Variants in CASZ1 observed in about 807,000 individuals in gnomAD.
CASZ1 encodes the protein zinc finger protein castor homolog 1.
In CASZ1, 28 loss-of-function variants were observed where a neutral mutation model predicts 135.2. The ratio of observed to expected loss-of-function variants is 0.21; its 90% CI spans 0.15 to 0.28. The LOEUF (loss-of-function observed/expected upper bound fraction) is 0.28, where lower values mean the gene tolerates loss of function less well. Ranked by LOEUF, CASZ1 falls within the 10% of genes least tolerant of loss-of-function variation. CASZ1 has a pLI of 1.00. For missense variants in CASZ1, 2,161 were observed against 2,453.3 expected, an observed-to-expected ratio of 0.88 and a Z score of 2.52; for synonymous variants, 1,068 against 1,073.4, an observed-to-expected ratio of 0.99 and a Z score of 0.10.
rs917233283 is a variant in CASZ1 at position 10,700,931 on chromosome 1, T to C, written c.-24+4561A>G. Among the ~76,000 whole-genome samples the C allele has an allele frequency of 1.3e-5, 2 of 152,178 alleles. No homozygotes were observed. The highest frequency in any genetic ancestry group is 2.4e-5 in the African/African-American group (1 of 41,440). Reference sequence around the variant, plus strand: ...GAATGATATCTCAATAAAGCGGTTATTAAAAAGTGGGGGAAAGACGGGGGA... The same window carrying C: ...GAATGATATCTCAATAAAGCGGTTACTAAAAAGTGGGGGAAAGACGGGGGA... On this transcript the variant is annotated intron_variant, in intron 3 of 20. Coordinates refer to ENST00000377022, the MANE Select transcript of CASZ1 (RefSeq NM_001079843.3). This position sits in a 1 kb window ranked among gnomAD's most constrained non-coding sequence, Gnocchi z 4.2.
At chr1:10,730,179 C>T (rs559146235) in intron 2 of CASZ1, among the ~76,000 whole-genome samples, 7 of 150,952 alleles carry the variant, frequency 4.6e-5, no homozygotes, top group Admixed American at 3.3e-4. Flanking sequence ...GGTGTGATCT[C>T]GGGTCGCTGC....
chr1:10,728,789 A>G (rs537347088), intron 2 of CASZ1, among the ~76,000 whole-genome samples: 1 of 151,576 alleles, frequency 6.6e-6, no homozygotes, highest in African/African-American at 2.4e-5. Context: ...GGGCTGCACA[A>G]AGGGGAATGG....
chr1:10,761,996 G>A (rs1046238026), intron 1 of CASZ1, among the ~76,000 whole-genome samples: 8 of 152,192 alleles, frequency 5.3e-5, no homozygotes, highest in African/African-American at 1.9e-4. Flanking sequence ...AGCGGGCTGG[G>A]CCCTGCCTCC....
rs774045541 is a variant in CASZ1, at chr1:10,776,444, G to A, written c.-233-15587C>T. On this transcript the variant is annotated intron_variant, in intron 1 of 20. Transcript: ENST00000377022. This position sits in a 1 kb window ranked among gnomAD's most constrained non-coding sequence, Gnocchi z 4.1. Reference sequence around the variant, plus strand: ...TCTCCACAGCTGCCTCTTGTCACAGGGTACCACTTCTCTCCCCTGCTTGTA... The same window carrying A: ...TCTCCACAGCTGCCTCTTGTCACAGAGTACCACTTCTCTCCCCTGCTTGTA... 1.3e-5 allele frequency among the ~76,000 whole-genome samples: 2 copies of A among 152,182 alleles called. No individual in the cohort carries two copies. Among genetic ancestry groups the A allele is most frequent in the Admixed American group, 1.3e-4 (2 of 15,278 alleles).
chr1:10,690,837 G>T (rs1293810524), intron 4 of CASZ1, among the ~76,000 whole-genome samples: 1 of 152,228 alleles, frequency 6.6e-6, no homozygotes, highest in Admixed American at 6.5e-5. Context: ...CGAGTCAAGG[G>T]CGAACGCCTG....
chr1:10,638,965 G>A lies in CASZ1; in HGVS notation c.5257C>T (p.Pro1753Ser), dbSNP rs1642089647. 3.1e-6 allele frequency: 3 copies of A among 980,802 alleles called. No individual in the cohort carries two copies. The highest frequency in any genetic ancestry group is 1.8e-5 in the African/African-American group (1 of 56,514). 60.8% of individuals were successfully genotyped at this position (980,802 alleles called of 1,614,324 possible). A position where few individuals can be genotyped will look rare whatever the true frequency, so the allele number is the denominator to read the frequency against. ...CGCTAGGGCGAGGAGGCTGCAGTGG[G>A]CGCGGGGCCGGGGGCGCCCAGGGCC... is the stretch of plus-strand genomic sequence containing the variant. The part of the protein sequence containing the change: ...LAALGAPGPA[P>S]TAASSP Residue 1753 changes from proline (P) to serine (S), a missense_variant, in exon 21 of 21, where the codon CCC becomes TCC. Around this residue, in one of 7 missense-constraint regions of CASZ1, gnomAD observed 185 missense variants for 134.7 expected, o/e 1.37. Transcript: ENST00000377022. This position sits in a 1 kb window ranked among gnomAD's most constrained non-coding sequence, Gnocchi z 5.9.
rs1402364512 is a variant in CASZ1 at position 10,741,203 on chromosome 1, C to T, written c.-77+19498G>A. Among the ~76,000 whole-genome samples, 6 of 152,104 alleles carry T rather than the reference C, an allele frequency of 3.9e-5. No homozygotes were observed. Among genetic ancestry groups the T allele is most frequent in the Admixed American group, 2.0e-4 (3 of 15,260 alleles). On this transcript the variant is annotated intron_variant, in intron 2 of 20. Transcript: ENST00000377022. This position sits in a 1 kb window ranked among gnomAD's most constrained non-coding sequence, Gnocchi z 5.0. The stretch of plus-strand genomic sequence containing the variant: ...TCACCATGTTGGTCAGGCTGGTCTC[C>T]AACTCCTGACCTCAGGCGATCCACC...
intron 4 of CASZ1, among the ~76,000 whole-genome samples, chr1:10,691,558 A>G (rs1638767702): frequency 6.6e-6 from 1 of 152,224 alleles, no homozygotes; most frequent in South Asian, 2.1e-4. Context: ...TATGTCAGAG[A>G]GGCCCTCGGC....
At chr1:10,659,048 G>A (rs1484060218) in intron 6 of CASZ1, among the ~76,000 whole-genome samples, 1 of 152,168 alleles carries the variant, frequency 6.6e-6, no homozygotes, top group Non-Finnish European at 1.5e-5. Flanking sequence ...AGGAGCTCTG[G>A]GGAAGGGTCT....
In CASZ1 at chr1:10,640,030, C is replaced by A; in HGVS notation, c.4192G>T (p.Gly1398Trp). 6.2e-7 allele frequency: 1 copy of A among 1,609,788 alleles called. No individual in the cohort carries two copies. Among genetic ancestry groups the A allele is most frequent in the Non-Finnish European group, 8.5e-7 (1 of 1,179,706 alleles). Residue 1398 changes from glycine to tryptophan, a missense_variant, in exon 21 of 21, where the codon GGG becomes TGG. Around this residue, in one of 7 missense-constraint regions of CASZ1, gnomAD observed 143 missense variants for 128.3 expected, o/e 1.11. Coordinates refer to ENST00000377022, the MANE Select transcript of CASZ1 (RefSeq NM_001079843.3). ...ATGATCCAGAAGCGCTTTTTGGCCC[C>A]CGAGGCTGTCGGCATAGAGATGGTG... is the stretch of plus-strand genomic sequence containing the variant. ...GNTISMPTAS[G>W]AKKRFWIIED...
At chr1:10,748,401 C>G (rs914858954) in intron 2 of CASZ1, among the ~76,000 whole-genome samples, 1 of 152,250 alleles carries the variant, frequency 6.6e-6, no homozygotes, top group Non-Finnish European at 1.5e-5. Context: ...GTGACAGAGG[C>G]AGCAGTGACC....
At chr1:10,730,034 C>T (rs1284497517) in intron 2 of CASZ1, among the ~76,000 whole-genome samples, 3 of 152,114 alleles carry the variant, frequency 2.0e-5, no homozygotes, top group African/African-American at 7.2e-5. Flanking sequence ...AGGCTGGTCT[C>T]GAACTCCTGG....
In CASZ1 at chr1:10,794,362, C is replaced by T. The variant is rs115175285; in HGVS notation, c.-234+2202G>A. On this transcript the variant is annotated intron_variant, in intron 1 of 20. Coordinates refer to ENST00000377022, the MANE Select transcript of CASZ1 (RefSeq NM_001079843.3). This position sits in a 1 kb window ranked among gnomAD's most constrained non-coding sequence, Gnocchi z 5.6. ...ACTACCAGGGCCTTTTCCCCCTCGC[C>T]ACCCCCTGAGTGTACCGGGTGTCGG... 1.6e-3 allele frequency among the ~76,000 whole-genome samples: 244 copies of T among 152,282 alleles called. No individual in the cohort carries two copies. Among genetic ancestry groups the T allele is most frequent in the African/African-American group, 5.4e-3 (225 of 41,562 alleles).
At chr1:10,662,206 A>G (rs2100273767) in intron 5 of CASZ1, among the ~76,000 whole-genome samples, 1 of 151,788 alleles carries the variant, frequency 6.6e-6, no homozygotes, top group East Asian at 1.9e-4. Flanking sequence ...ATCCCCACGC[A>G]CAGTCACATG....
intron 9 of CASZ1, among the ~76,000 whole-genome samples, chr1:10,655,323 T>G (rs1393725414): frequency 2.6e-5 from 4 of 152,182 alleles, no homozygotes; most frequent in African/African-American, 7.2e-5. Context: ...AACAAAAACC[T>G]CCTCAGGAAT....
Position 10,647,443 on chromosome 1 carries a change from C to G in CASZ1, c.3497+358G>C. On this transcript the variant is annotated intron_variant, in intron 16 of 20. Transcript: ENST00000377022. This position sits in a 1 kb window ranked among gnomAD's most constrained non-coding sequence, Gnocchi z 4.9. ...CATGGGTGTGAGCCACAGAGGAGGC[C>G]AATACGGAGGCTCGGAGGGAGACGC... 1 of 1,179,770 alleles carries G rather than the reference C, an allele frequency of 8.5e-7. No individual in the cohort carries two copies. Among genetic ancestry groups the G allele is most frequent in the Non-Finnish European group, 1.1e-6 (1 of 944,146 alleles). The allele number at this position is 1,179,770 out of a possible 1,614,324, so 73.1% of individuals were successfully genotyped here.
Position 10,774,708 on chromosome 1 carries a change from C to T in CASZ1, c.-233-13851G>A, listed in dbSNP as rs1268990402. ...TGAGTCAACGCGGACCCCTCTCTTC[C>T]CCAAGTGTGACCCTGTAGGCCTAGA... On this transcript the variant is annotated intron_variant, in intron 1 of 20. Transcript: ENST00000377022. This position sits in a 1 kb window ranked among gnomAD's most constrained non-coding sequence, Gnocchi z 4.4. Among the ~76,000 whole-genome samples, 1 of 152,110 alleles carries T rather than the reference C, an allele frequency of 6.6e-6. No individual in the cohort carries two copies. The highest frequency in any genetic ancestry group is 2.1e-4 in the South Asian group (1 of 4,824).
chr1:10,660,220 G>C lies in CASZ1; in HGVS notation c.822C>G (p.Pro274=), dbSNP rs766354566. 6.2e-7 allele frequency: 1 copy of C among 1,612,806 alleles called. No homozygotes were observed. Among genetic ancestry groups the C allele is most frequent in the African/African-American group, 1.3e-5 (1 of 74,918 alleles). ...RVGKEVVGTL[P]GLRLPSSTAH... is the part of the protein sequence containing the mutation. Reference sequence around the variant, plus strand: ...CCGTGCTGCTGGGCAGCCGCAGGCCGGGCAGGGTGCCCACCACCTCCTTGC... The same window carrying C: ...CCGTGCTGCTGGGCAGCCGCAGGCCCGGCAGGGTGCCCACCACCTCCTTGC... Residue 274 remains proline (P), a synonymous_variant, in exon 6 of 21, where the codon CCC becomes CCG. Transcript: ENST00000377022.
chr1:10,769,247 C>G (rs1392684687), intron 1 of CASZ1, among the ~76,000 whole-genome samples: 1 of 152,212 alleles, frequency 6.6e-6, no homozygotes, highest in Non-Finnish European at 1.5e-5. Flanking sequence ...GGGGAAGGTT[C>G]GGCGAGAACA....
Sources: allele counts gnomAD v4.1 joint callset (sites outside exome capture counted in the v4.1 genomes callset), GRCh38; gene constraint gnomAD v4.1.1; regional missense constraint gnomAD v4.1.1; non-coding constraint Gnocchi (gnomAD v3.1); transcripts MANE v1.5; gene names NCBI Gene and HGNC (gene_info 2026-07-23, HGNC 2026-07-21).